The following USP10 variants were observed in gnomAD, a reference collection of about 807,000 sequenced individuals.
The protein encoded by USP10 is ubiquitin carboxyl-terminal hydrolase 10.
USP10 carries 22 observed loss-of-function variants against 84.5 expected under a neutral mutation model. The ratio of observed to expected loss-of-function variants is 0.26; its 90% CI spans 0.19 to 0.37. The LOEUF is 0.37. USP10 is among the 10% of genes least tolerant of loss of function. USP10 has a pLI of 1.00. For missense variants in USP10, 1,019 were observed against 998.9 expected, an observed-to-expected ratio of 1.02 and a Z score of -0.27; for synonymous variants, 454 against 387.6, an observed-to-expected ratio of 1.17 and a Z score of -2.01.
chr16:84,769,464 C>CT (rs1914198571), intron 11 of USP10, among the ~76,000 whole-genome samples: 1 of 152,162 alleles, frequency 6.6e-6, no homozygotes, highest in Non-Finnish European at 1.5e-5. Flanking sequence ...GAGGCAGAAA[C>CT]TTGGTAGTTG....
At chr16:84,741,950 A>G (rs1910675862) in intron 3 of USP10, among the ~76,000 whole-genome samples, 1 of 152,134 alleles carries the variant, frequency 6.6e-6, no homozygotes, top group Non-Finnish European at 1.5e-5. Context: ...TTGTTGGATG[A>G]ATGGTTTAGG....
intron 13 of USP10, among the ~76,000 whole-genome samples, chr16:84,776,770 T>C (rs1477587255): frequency 2.0e-5 from 3 of 152,202 alleles, no homozygotes; most frequent in Non-Finnish European, 4.4e-5. Flanking sequence ...CCCCGGGACC[T>C]GGGCCTGGGT....
intron 4 of USP10, among the ~76,000 whole-genome samples, chr16:84,751,141 G>A (rs546516309): frequency 6.6e-6 from 1 of 152,306 alleles, no homozygotes; most frequent in Admixed American, 6.5e-5. Flanking sequence ...TTGTGTTACA[G>A]TTGCCTACGG....
intron 1 of USP10, among the ~76,000 whole-genome samples, chr16:84,705,794 A>G (rs1460152267): frequency 7.6e-6 from 1 of 131,614 alleles, no homozygotes; most frequent in Non-Finnish European, 1.5e-5. Flanking sequence ...ATCTGGGTTC[A>G]CTGCAGCCTC....
At position 84,763,067 on chromosome 16, in the gene USP10, C is replaced by T. The variant is rs1283756036; in HGVS notation, c.1633C>T (p.Leu545Phe). The change falls in exon 9 of 14, where the codon CTT becomes TTT. Residue 545 changes from leucine to phenylalanine, a missense_variant. By Grantham distance (22) the Leu-to-Phe change is conservative. Transcript: ENST00000219473. ...TGAGGAAATGTTGAACCTAAAGAAG[C>T]TTCTCTCACCAAGTAATGAAAGTAG... ...LHEEMLNLKK[L>F]LSPSNEKLTI... 1 of 1,610,764 alleles carries T rather than the reference C, an allele frequency of 6.2e-7. No individual in the cohort carries two copies. The highest frequency in any genetic ancestry group is 8.5e-7 in the Non-Finnish European group (1 of 1,177,476).
At chr16:84,762,707 ATATT>A (rs1270598156) in intron 8 of USP10, among the ~76,000 whole-genome samples, 32 of 151,250 alleles carry the variant, frequency 2.1e-4, no homozygotes, top group East Asian at 1.5e-3. Context: ...AAAAAAAAGT[ATATT>A]TATTGAAGAA....
chr16:84,729,665 A>G (rs1409459281), intron 1 of USP10, among the ~76,000 whole-genome samples: 3 of 152,202 alleles, frequency 2.0e-5, no homozygotes, highest in Non-Finnish European at 4.4e-5. Context: ...ATAAAATCGA[A>G]AGGACCGGTT....
At chr16:84,759,779 C>T (rs1234132169) in intron 6 of USP10, 112 bp from the exon 7 acceptor site, 2 of 1,139,396 alleles carry the variant, frequency 1.8e-6, no homozygotes, top group East Asian at 2.4e-5. Context: ...CATTGGTTAC[C>T]TAAAATCTAC....
At position 84,709,999 on chromosome 16, in the gene USP10, G is replaced by C. The variant is rs1028417731; in HGVS notation, c.21+9888G>C. ...AAGATAGCTGGTTGAGGCCGGGTGC[G>C]AGGCTCACGCCTGTAATCCCAGCAC... On this transcript the variant is annotated intron_variant, in intron 1 of 13. Transcript: ENST00000219473. Among the ~76,000 whole-genome samples, 3 of 152,330 alleles carry C rather than the reference G, an allele frequency of 2.0e-5. No individual in the cohort carries two copies. In the East Asian group the frequency reaches 5.8e-4, roughly 29 times the overall value.
chr16:84,725,910 ATACTT>A (rs1908409917), intron 1 of USP10, among the ~76,000 whole-genome samples: 1 of 152,184 alleles, frequency 6.6e-6, no homozygotes, highest in South Asian at 2.1e-4. Flanking sequence ...AAGAGGGAGA[ATACTT>A]TATACTTCTC....
intron 2 of USP10, among the ~76,000 whole-genome samples, chr16:84,735,323 C>T (rs535732283): frequency 2.6e-5 from 4 of 152,114 alleles, no homozygotes; most frequent in African/African-American, 9.6e-5. Flanking sequence ...TACAGGTTTT[C>T]TCAAGTGTGT....
intron 3 of USP10, among the ~76,000 whole-genome samples, chr16:84,743,421 C>T (rs529441981): frequency 6.6e-6 from 1 of 152,230 alleles, no homozygotes; most frequent in Non-Finnish European, 1.5e-5. Flanking sequence ...ACGTAACTGG[C>T]CCCTCTCAGC....
chr16:84,708,623 A>T (rs1567587331), intron 1 of USP10, among the ~76,000 whole-genome samples: 1 of 152,220 alleles, frequency 6.6e-6, no homozygotes, highest in Non-Finnish European at 1.5e-5. Flanking sequence ...TCTTCTTCAA[A>T]ATCATGTTTT....
chr16:84,723,900 C>T (rs191434191), intron 1 of USP10, among the ~76,000 whole-genome samples: 1 of 152,304 alleles, frequency 6.6e-6, no homozygotes, highest in Non-Finnish European at 1.5e-5. Flanking sequence ...TCGTCCTTGG[C>T]CCCAGCAAAG....
chr16:84,762,326 G>A (rs2150853772), intron 8 of USP10, among the ~76,000 whole-genome samples: 1 of 152,316 alleles, frequency 6.6e-6, no homozygotes, highest in East Asian at 1.9e-4. Context: ...ACTGGCCCTA[G>A]ACATCTAGTT....
At chr16:84,762,730 A>C (rs1913354728) in intron 8 of USP10, among the ~76,000 whole-genome samples, 1 of 152,188 alleles carries the variant, frequency 6.6e-6, no homozygotes, top group South Asian at 2.1e-4. Context: ...AAAATTTCAA[A>C]AATACAGAAA....
At position 84,745,381 on chromosome 16, in the gene USP10, C is replaced by A; in HGVS notation, c.900C>A (p.Asn300Lys). 1.2e-6 allele frequency: 2 copies of A among 1,613,468 alleles called. No individual in the cohort carries two copies. Among genetic ancestry groups the A allele is most frequent in the Non-Finnish European group, 1.7e-6 (2 of 1,179,720 alleles). The change falls in exon 4 of 14, where the codon AAC (asparagine) becomes AAA (lysine). Residue 300 changes from asparagine (N) to lysine (K), a missense_variant. Transcript: ENST00000219473. ...CCTCGGGTGAGGGCACAGCTACCAA[C>A]GGGGTGGAGTTGCACACCACGGAAA... is the stretch of plus-strand genomic sequence containing the variant. The part of the protein sequence containing the change: ...LESSGEGTAT[N>K]GVELHTTESI...
At chr16:84,763,710 G>C (rs1913477983) in intron 9 of USP10, among the ~76,000 whole-genome samples, 1 of 152,102 alleles carries the variant, frequency 6.6e-6, no homozygotes, top group Non-Finnish European at 1.5e-5. Flanking sequence ...CGTGGATCAA[G>C]TGGCATTGCA....
chr16:84,737,030 T>A (rs1910025853), intron 2 of USP10, among the ~76,000 whole-genome samples: 1 of 152,182 alleles, frequency 6.6e-6, no homozygotes, highest in Admixed American at 6.5e-5. Flanking sequence ...CCTCGTGGTC[T>A]GCCCGCCTCG....
Sources: gnomAD v4.1 joint callset for allele counts (sites outside exome capture counted in the v4.1 genomes callset) on GRCh38, gnomAD v4.1.1 for gene constraint, MANE v1.5 for transcripts, NCBI Gene and HGNC (gene_info 2026-07-23, HGNC 2026-07-21) for gene names.